The following MACROD2 variants were observed in gnomAD, a reference collection of about 807,000 sequenced individuals.
MACROD2 encodes ADP-ribose glycohydrolase MACROD2.
MACROD2 carries 36 observed loss-of-function variants against 70.4 expected under a neutral mutation model. The observed-to-expected ratio is 0.51, with a 90% CI of 0.39 to 0.68. The LOEUF is 0.68. Ranked by LOEUF, MACROD2 falls within the 30% of genes least tolerant of loss-of-function variation. The pLI, the probability that MACROD2 is intolerant of heterozygous loss-of-function variation, is 0.00. For synonymous variants in MACROD2, 172 were observed against 178.8 expected (o/e 0.96, Z 0.30); for missense variants, 496 against 538.4 (o/e 0.92, Z 0.78).
chr20:15,605,920 G>A (rs2048887170), intron 8 of MACROD2, among the ~76,000 whole-genome samples: 1 of 152,116 alleles, frequency 6.6e-6, no homozygotes, highest in Admixed American at 6.5e-5. Flanking sequence ...GATGCTTGCT[G>A]GTATCTCTTC....
At chr20:14,996,364 G>T (rs889188982) in intron 5 of MACROD2, among the ~76,000 whole-genome samples, 1 of 152,118 alleles carries the variant, frequency 6.6e-6, no homozygotes, top group Non-Finnish European at 1.5e-5. Context: ...CTGAGACCAG[G>T]AAGGAGCTGT....
At chr20:15,406,857 C>T (rs1179681522) in intron 6 of MACROD2, among the ~76,000 whole-genome samples, 2 of 152,122 alleles carry the variant, frequency 1.3e-5, no homozygotes, top group South Asian at 2.1e-4. Flanking sequence ...AATCATGCGA[C>T]GTGTCGAGTC....
intron 5 of MACROD2, among the ~76,000 whole-genome samples, chr20:15,215,252 T>TTG (rs376439581): frequency 0.31 from 41,400 of 135,322 alleles, 5,947 homozygotes; most frequent in African/African-American, 0.33. Flanking sequence ...CTCCTGTATT[T>TTG]TGTGTGTGTG....
At chr20:14,731,001 ACACACACATG>A (rs1436985903) in intron 5 of MACROD2, among the ~76,000 whole-genome samples, 2 of 112,446 alleles carry the variant, frequency 1.8e-5, no homozygotes, top group Non-Finnish European at 1.9e-5. Context: ...ACACACACAC[ACACACACATG>A]CACACACACA....
chr20:15,654,845 C>T (rs2049703124), intron 8 of MACROD2, among the ~76,000 whole-genome samples: 1 of 152,162 alleles, frequency 6.6e-6, no homozygotes. Flanking sequence ...ACCAAGCAGT[C>T]CTTGCTTTGT....
chr20:13,998,886 G>A (rs933827821), intron 1 of MACROD2, among the ~76,000 whole-genome samples: 2 of 151,144 alleles, frequency 1.3e-5, no homozygotes, highest in African/African-American at 2.4e-5. Flanking sequence ...ATCCAGGTGG[G>A]AGAGGTTGGA....
intron 5 of MACROD2, among the ~76,000 whole-genome samples, chr20:15,030,983 G>T (rs753016612): frequency 6.6e-6 from 1 of 152,164 alleles, no homozygotes; most frequent in Non-Finnish European, 1.5e-5. Flanking sequence ...CTTGGCTCGC[G>T]CTACCAGCCC....
chr20:14,702,553 GTA>G lies in MACROD2; in HGVS notation c.418+17605_418+17606del, dbSNP rs1353199122. On this transcript the variant is annotated intron_variant, in intron 5 of 17. Coordinates refer to ENST00000684519, the MANE Select transcript of MACROD2 (RefSeq NM_001351661.2). ...CTAAACATTACATATGTGTGTGTGT[GTA>G]TATATATATACACATATATGTGTAT... Among the ~76,000 whole-genome samples the G allele has an allele frequency of 4.6e-4, 62 of 133,664 alleles. 1 individual carries two copies. The highest frequency in any genetic ancestry group is 8.4e-4 in the Non-Finnish European group (53 of 63,442). 87.7% of individuals were successfully genotyped at this position (133,664 alleles called of 152,430 possible).
intron 8 of MACROD2, among the ~76,000 whole-genome samples, chr20:15,581,256 A>G (rs1035130447): frequency 3.9e-5 from 6 of 152,174 alleles, no homozygotes; most frequent in Non-Finnish European, 8.8e-5. Context: ...TTGCAATCCA[A>G]CCATTTTTCA....
chr20:14,324,510 G>C (rs1160767098), intron 3 of MACROD2: 1 of 152,428 alleles, frequency 6.6e-6, no homozygotes, highest in Non-Finnish European at 1.5e-5. Flanking sequence ...ATCTAAATTT[G>C]ATGTCTAGTA....
At chr20:15,699,471 G>GA (rs2050424005) in intron 8 of MACROD2, among the ~76,000 whole-genome samples, 1 of 152,294 alleles carries the variant, frequency 6.6e-6, no homozygotes, top group East Asian at 1.9e-4. Context: ...CTGTTCTGCT[G>GA]GAGGTGGTGG....
intron 6 of MACROD2, among the ~76,000 whole-genome samples, chr20:15,256,563 G>A (rs1447065551): frequency 6.6e-6 from 1 of 151,760 alleles, no homozygotes; most frequent in African/African-American, 2.4e-5. Context: ...AGTAACTATC[G>A]AACTGGAAAA....
chr20:15,065,021 T>A (rs934217368), intron 5 of MACROD2, among the ~76,000 whole-genome samples: 5 of 151,978 alleles, frequency 3.3e-5, no homozygotes, highest in African/African-American at 1.2e-4. Flanking sequence ...TTCAGAGTAG[T>A]TGGTAAACGG....
chr20:15,645,954 G>A (rs1352061328), intron 8 of MACROD2, among the ~76,000 whole-genome samples: 1 of 152,112 alleles, frequency 6.6e-6, no homozygotes, highest in Non-Finnish European at 1.5e-5. Flanking sequence ...AGTATTATTT[G>A]CTGTTCACAA....
chr20:16,005,351 G>T (rs2066773587), intron 15 of MACROD2, among the ~76,000 whole-genome samples: 1 of 152,182 alleles, frequency 6.6e-6, no homozygotes, highest in African/African-American at 2.4e-5. Context: ...GAAAAAAGGA[G>T]AAGCTGAACA....
intron 15 of MACROD2, among the ~76,000 whole-genome samples, chr20:16,009,890 G>A (rs532263819): frequency 2.0e-5 from 3 of 152,150 alleles, no homozygotes; most frequent in Non-Finnish European, 4.4e-5. Context: ...CACATTCTCC[G>A]AGAGAAGCAG....
chr20:15,538,892 C>CT (rs923391569), intron 8 of MACROD2, among the ~76,000 whole-genome samples: 5 of 151,418 alleles, frequency 3.3e-5, no homozygotes, highest in Non-Finnish European at 5.9e-5. Flanking sequence ...TACTCTACTG[C>CT]TTTTTTTTGA....
chr20:14,413,369 A>T (rs113840472), intron 3 of MACROD2, among the ~76,000 whole-genome samples: 4,008 of 151,878 alleles, frequency 0.026, 189 homozygotes, highest in African/African-American at 0.091. Context: ...TAAGTTTAGA[A>T]CATATTTTTT....
intron 3 of MACROD2, among the ~76,000 whole-genome samples, chr20:14,478,160 A>G (rs2123063518): frequency 6.6e-6 from 1 of 152,360 alleles, no homozygotes; most frequent in South Asian, 2.1e-4. Context: ...ACTCTGTTGT[A>G]GTCTCAACAA....
Sources: gnomAD v4.1 joint callset for allele counts (sites outside exome capture counted in the v4.1 genomes callset) on GRCh38, gnomAD v4.1.1 for gene constraint, MANE v1.5 for transcripts, NCBI Gene and HGNC (gene_info 2026-07-23, HGNC 2026-07-21) for gene names.